The following KCNIP4 variants were observed in gnomAD, a reference collection of about 807,000 sequenced individuals.
KCNIP4 encodes Kv channel-interacting protein 4.
Under a neutral mutation model 34.0 loss-of-function variants are expected in KCNIP4, and 12 were observed. The observed-to-expected ratio is 0.35, with a 90% CI of 0.23 to 0.57. The LOEUF (loss-of-function observed/expected upper bound fraction) is 0.57, where lower values mean the gene tolerates loss of function less well. Among genes scored for constraint, KCNIP4 ranks in the 20% least tolerant of loss-of-function variants. The pLI is 0.83. For synonymous variants in KCNIP4, 124 were observed against 102.2 expected, an observed-to-expected ratio of 1.21 and a Z score of -1.29; for missense variants, 238 against 311.7, an observed-to-expected ratio of 0.76 and a Z score of 1.78.
At chr4:21,117,300 CGGGGGGGGG>C (rs372039728) in intron 1 of KCNIP4, among the ~76,000 whole-genome samples, 548 of 32,632 alleles carry the variant, frequency 0.017, 22 homozygotes, top group African/African-American at 0.044. Context: ...CCGGGGTTGC[CGGGGGGGGG>C]GGGGGGGGGG....
intron 1 of KCNIP4, among the ~76,000 whole-genome samples, chr4:21,232,825 A>G (rs541087256): frequency 2.0e-5 from 3 of 152,294 alleles, no homozygotes; most frequent in African/African-American, 7.2e-5. Context: ...ATGAGGTGCA[A>G]TATGATATCT....
intron 1 of KCNIP4, among the ~76,000 whole-genome samples, chr4:20,960,557 T>C (rs764350832): frequency 1.4e-4 from 22 of 152,068 alleles, no homozygotes; most frequent in Non-Finnish European, 3.1e-4. Flanking sequence ...GCACAGGGAG[T>C]GGGAACTCAC....
chr4:20,754,971 A>C (rs1044782039), intron 4 of KCNIP4, among the ~76,000 whole-genome samples: 14 of 152,210 alleles, frequency 9.2e-5, no homozygotes, highest in Non-Finnish European at 1.6e-4. Flanking sequence ...TCTTTAAAAA[A>C]TCCATGGGTT....
intron 1 of KCNIP4, among the ~76,000 whole-genome samples, chr4:21,869,830 C>T (rs1287532990): frequency 5.3e-5 from 8 of 151,834 alleles, no homozygotes; most frequent in East Asian, 1.9e-4. Context: ...ATAGGTATAT[C>T]GCATACACAC....
At chr4:20,886,072 C>T (rs1725276658) in intron 1 of KCNIP4, among the ~76,000 whole-genome samples, 2 of 152,184 alleles carry the variant, frequency 1.3e-5, no homozygotes. Flanking sequence ...GACACGTCTT[C>T]CCTACTGAAA....
At chr4:21,669,710 C>T (rs1749323095) in intron 1 of KCNIP4, among the ~76,000 whole-genome samples, 1 of 152,116 alleles carries the variant, frequency 6.6e-6, no homozygotes, top group African/African-American at 2.4e-5. Context: ...CACAAAGATG[C>T]CCACTCTAAT....
intron 1 of KCNIP4, among the ~76,000 whole-genome samples, chr4:21,196,340 A>G (rs185464147): frequency 6.6e-6 from 1 of 152,236 alleles, no homozygotes; most frequent in East Asian, 1.9e-4. Context: ...ATATTTTCTC[A>G]TAGTAAGTAT....
At chr4:21,206,618 T>A (rs1407796680) in intron 1 of KCNIP4, among the ~76,000 whole-genome samples, 1 of 152,226 alleles carries the variant, frequency 6.6e-6, no homozygotes, top group Non-Finnish European at 1.5e-5. Context: ...AGATGCATTA[T>A]GTGAGCTTGA....
chr4:21,192,952 C>CTAT (rs757200407), intron 1 of KCNIP4, among the ~76,000 whole-genome samples: 3 of 145,100 alleles, frequency 2.1e-5, no homozygotes, highest in Non-Finnish European at 4.5e-5. Flanking sequence ...ACTACTACTA[C>CTAT]TAATAATAAT....
intron 1 of KCNIP4, among the ~76,000 whole-genome samples, chr4:21,901,728 A>G (rs1296374988): frequency 6.6e-6 from 1 of 152,194 alleles, no homozygotes; most frequent in African/African-American, 2.4e-5. Flanking sequence ...ATTCTTTAAT[A>G]TTGCAAACTA....
At chr4:21,759,467 TA>T (rs987332469) in intron 1 of KCNIP4, among the ~76,000 whole-genome samples, 27 of 152,214 alleles carry the variant, frequency 1.8e-4, no homozygotes, top group African/African-American at 6.0e-4. Context: ...TTTTACCATA[TA>T]GCAGGACATA....
chr4:21,157,721 C>T (rs1157221120), intron 1 of KCNIP4, among the ~76,000 whole-genome samples: 1 of 151,752 alleles, frequency 6.6e-6, no homozygotes, highest in Non-Finnish European at 1.5e-5. Context: ...TGTTCGATAG[C>T]AAAAAAGATA....
chr4:21,622,296 C>T (rs1745045229), intron 1 of KCNIP4, among the ~76,000 whole-genome samples: 1 of 152,066 alleles, frequency 6.6e-6, no homozygotes, highest in Non-Finnish European at 1.5e-5. Flanking sequence ...AAAACGGGCC[C>T]TTCTGAGTAT....
chr4:21,732,555 A>C (rs1715685948), intron 1 of KCNIP4, among the ~76,000 whole-genome samples: 1 of 152,152 alleles, frequency 6.6e-6, no homozygotes. Flanking sequence ...GAAGGAGCCT[A>C]ATGCAGAGTT....
intron 1 of KCNIP4, among the ~76,000 whole-genome samples, chr4:21,707,668 T>C (rs1713391436): frequency 6.6e-6 from 1 of 151,908 alleles, no homozygotes; most frequent in Admixed American, 6.6e-5. Flanking sequence ...CAGAGACAGA[T>C]GTTTACATCA....
intron 1 of KCNIP4, among the ~76,000 whole-genome samples, chr4:21,049,508 G>A (rs925412350): frequency 1.3e-5 from 2 of 152,072 alleles, no homozygotes; most frequent in Non-Finnish European, 2.9e-5. Context: ...AGGAAGAAAG[G>A]CTCAATGTTT....
chr4:20,902,280 T>C (rs1727233841), intron 1 of KCNIP4, among the ~76,000 whole-genome samples: 1 of 152,058 alleles, frequency 6.6e-6, no homozygotes, highest in Non-Finnish European at 1.5e-5. Flanking sequence ...CCAGGAGTCT[T>C]GGAGACAAGG....
intron 1 of KCNIP4, among the ~76,000 whole-genome samples, chr4:21,016,552 C>T (rs1037626383): frequency 3.4e-4 from 51 of 152,152 alleles, no homozygotes; most frequent in Middle Eastern, 3.2e-3. Context: ...GCCTCGGCCT[C>T]CCAAAGTGCT....
chr4:20,913,383 AAG>A (rs1435887207), intron 1 of KCNIP4, among the ~76,000 whole-genome samples: 4 of 152,198 alleles, frequency 2.6e-5, no homozygotes, highest in Admixed American at 2.6e-4. Context: ...AACTGAGAGA[AAG>A]AGGGAATAGC....
Sources: gnomAD v4.1 joint callset for allele counts (sites outside exome capture counted in the v4.1 genomes callset) on GRCh38, gnomAD v4.1.1 for gene constraint, MANE v1.5 for transcripts, NCBI Gene and HGNC (gene_info 2026-07-23, HGNC 2026-07-21) for gene names.